Variants in CHMP4B observed in about 807,000 individuals in gnomAD.
CHMP4B encodes the protein charged multivesicular body protein 4B.
Under a neutral mutation model 25.1 loss-of-function variants are expected in CHMP4B, and 1 was observed. That is an observed-to-expected ratio of 0.04 (90% CI 0.01 to 0.19). The LOEUF is 0.19. Among genes scored for constraint, CHMP4B ranks in the 10% least tolerant of loss-of-function variants. CHMP4B has a pLI of 1.00. For missense variants in CHMP4B, 151 were observed against 289.7 expected (o/e 0.52, Z 3.48); for synonymous variants, 101 against 115.6 (o/e 0.87, Z 0.81).
intron 1 of CHMP4B, among the ~76,000 whole-genome samples, chr20:33,835,716 TAAAGA>T (rs1979374564): frequency 6.6e-6 from 1 of 152,216 alleles, no homozygotes; most frequent in Non-Finnish European, 1.5e-5. Flanking sequence ...GGGGTATGTA[TAAAGA>T]AAAGAGGTTT....
intron 1 of CHMP4B, among the ~76,000 whole-genome samples, chr20:33,847,296 T>C (rs1372378705): frequency 6.6e-6 from 1 of 152,062 alleles, no homozygotes; most frequent in Non-Finnish European, 1.5e-5. Flanking sequence ...GTTTTTTTTT[T>C]TAAACAAAGG....
chr20:33,850,732 GGTAGTGTCTTAAA>G (rs1979823238), intron 2 of CHMP4B, among the ~76,000 whole-genome samples: 1 of 152,210 alleles, frequency 6.6e-6, no homozygotes, highest in Admixed American at 6.5e-5. Context: ...TGTTGGACTG[GGTAGTGTCTTAAA>G]GACATTCCCG....
chr20:33,840,638 C>G (rs544211276), intron 1 of CHMP4B, among the ~76,000 whole-genome samples: 1 of 152,304 alleles, frequency 6.6e-6, no homozygotes, highest in South Asian at 2.1e-4. Flanking sequence ...AAATTGGTTT[C>G]TCCCAAGCTG....
chr20:33,811,708 C>T (rs1437237819), intron 1 of CHMP4B, 50 bp downstream of exon 1: 6 of 1,574,196 alleles, frequency 3.8e-6, no homozygotes, highest in Non-Finnish European at 5.2e-6. Context: ...CCCCAGGCTC[C>T]CCGGGCCCGG....
At chr20:33,840,178 A>G (rs150251056) in intron 1 of CHMP4B, among the ~76,000 whole-genome samples, 1,587 of 151,658 alleles carry the variant, frequency 0.01, 33 homozygotes, top group African/African-American at 0.037. Context: ...CCCGGGAGGC[A>G]GAGGTTGCAG....
At chr20:33,812,010 T>C (rs1270196186) in intron 1 of CHMP4B, among the ~76,000 whole-genome samples, 2 of 152,084 alleles carry the variant, frequency 1.3e-5, no homozygotes, top group African/African-American at 4.8e-5. Flanking sequence ...CCCTGCCTCC[T>C]CCTCGGCTCA....
In CHMP4B at chr20:33,811,555, G is replaced by A; in HGVS notation, c.87G>A (p.Leu29=). The part of the protein sequence containing the change: ...GPTPQEAIQR[L]RDTEEMLSKK... ...CCCCCCAGGAGGCCATCCAGCGGCT[G>A]CGGGACACGGAAGAGATGTTAAGCA... is the stretch of plus-strand genomic sequence containing the variant. The change falls in exon 1 of 5, where the codon CTG becomes CTA. Residue 29 remains leucine (L), a synonymous_variant. Coordinates refer to ENST00000217402, the MANE Select transcript of CHMP4B (RefSeq NM_176812.5). The A allele has an allele frequency of 6.2e-7, 1 of 1,612,888 alleles. No homozygotes were observed. The highest frequency in any genetic ancestry group is 1.7e-4 in the Middle Eastern group (1 of 6,054).
chr20:33,827,856 G>A (rs1186661090), intron 1 of CHMP4B, among the ~76,000 whole-genome samples: 3 of 152,208 alleles, frequency 2.0e-5, no homozygotes, highest in Non-Finnish European at 4.4e-5. Flanking sequence ...TCCTGTGTGA[G>A]GATCATGAAG....
At chr20:33,819,328 T>G (rs1978869199) in intron 1 of CHMP4B, among the ~76,000 whole-genome samples, 1 of 152,216 alleles carries the variant, frequency 6.6e-6, no homozygotes, top group Non-Finnish European at 1.5e-5. Context: ...AGGAACTAGT[T>G]TGGTTATGAG....
chr20:33,851,344 C>A lies in CHMP4B; in HGVS notation c.483+278C>A, dbSNP rs140995439. 1.8e-4 allele frequency among the ~76,000 whole-genome samples: 28 copies of A among 152,310 alleles called. 1 individual carries two copies. In the East Asian group the frequency reaches 4.8e-3, roughly 26 times the overall value. On this transcript the variant is annotated intron_variant, in intron 3 of 4. Coordinates refer to ENST00000217402, the MANE Select transcript of CHMP4B (RefSeq NM_176812.5). Reference sequence around the variant, plus strand: ...CTAGCCTGCACCTTTCCAGGGTGGGCCCTGGCACAGAGCTGGGCAGCAGAG... The same window carrying A: ...CTAGCCTGCACCTTTCCAGGGTGGGACCTGGCACAGAGCTGGGCAGCAGAG...
intron 1 of CHMP4B, among the ~76,000 whole-genome samples, chr20:33,830,957 T>TTTTTTTTTTTTTTTTTTG (rs1568607810): frequency 6.6e-6 from 1 of 150,550 alleles, no homozygotes; most frequent in Admixed American, 6.6e-5. Flanking sequence ...TTTAGTTTTT[T>TTTTTTTTTTTTTTTTTTG]TGAGACAGGG....
Position 33,811,466 on chromosome 20 carries a change from A to G in CHMP4B, c.-3A>G. 6.5e-7 allele frequency: 1 copy of G among 1,543,154 alleles called. No homozygotes were observed. The highest frequency in any genetic ancestry group is 8.8e-7 in the Non-Finnish European group (1 of 1,141,812). ...GCGAAGGCCGGCGCGGCGAGCAGCAACCATGTCGGTGTTCGGGAAGCTGTT... is the reference window on the plus strand; with the variant it reads ...GCGAAGGCCGGCGCGGCGAGCAGCAGCCATGTCGGTGTTCGGGAAGCTGTT... On this transcript the variant is annotated 5_prime_UTR_variant, in exon 1 of 5. Transcript: ENST00000217402.
chr20:33,853,110 T>C (rs918950371), intron 4 of CHMP4B, among the ~76,000 whole-genome samples: 1 of 152,166 alleles, frequency 6.6e-6, no homozygotes, highest in Non-Finnish European at 1.5e-5. Flanking sequence ...CCTGGAGCTG[T>C]GTGGCCATGA....
At chr20:33,838,918 C>T (rs1483153694) in intron 1 of CHMP4B, among the ~76,000 whole-genome samples, 5 of 152,102 alleles carry the variant, frequency 3.3e-5, no homozygotes, top group Admixed American at 3.3e-4. Flanking sequence ...CTTTGGTGAC[C>T]CTGACTCCCG....
intron 1 of CHMP4B, among the ~76,000 whole-genome samples, chr20:33,836,067 A>G (rs920550022): frequency 2.6e-5 from 4 of 152,146 alleles, no homozygotes; most frequent in African/African-American, 7.2e-5. Flanking sequence ...AACCATAGCA[A>G]ATATCTTCCC....
At position 33,849,925 on chromosome 20, in the gene CHMP4B, G is replaced by A. The variant is rs186194375; in HGVS notation, c.369-1027G>A. On this transcript the variant is annotated intron_variant, in intron 2 of 4. Coordinates refer to ENST00000217402, the MANE Select transcript of CHMP4B (RefSeq NM_176812.5). ...TGAGTAGCTCAGACTACAGGTGTGT[G>A]ACATTATGCCTGGCTAATTTTTAAA... Among the ~76,000 whole-genome samples, 15 of 152,294 alleles carry A rather than the reference G, an allele frequency of 9.8e-5. No individual in the cohort carries two copies. In the East Asian group the frequency reaches 2.9e-3, roughly 29 times the overall value.
chr20:33,852,346 A>G (rs528977274), intron 4 of CHMP4B, 143 bp downstream of exon 4: 129 of 1,012,460 alleles, frequency 1.3e-4, no homozygotes, highest in South Asian at 4.2e-4. Context: ...CAAGATTGAG[A>G]ACCAGACAGG....
At chr20:33,851,173 G>C in intron 3 of CHMP4B, 107 bp downstream of exon 3, 1 of 778,466 alleles carries the variant, frequency 1.3e-6, no homozygotes, top group Non-Finnish European at 2.3e-6. Context: ...GACTTGGACA[G>C]AGACAGGGCA....
chr20:33,812,059 C>T (rs559172261), intron 1 of CHMP4B, among the ~76,000 whole-genome samples: 13 of 152,268 alleles, frequency 8.5e-5, no homozygotes, highest in African/African-American at 3.1e-4. Context: ...CTTCCTGGTC[C>T]TACCTGTGCC....
Sources: gnomAD v4.1 joint callset for allele counts (sites outside exome capture counted in the v4.1 genomes callset) on GRCh38, gnomAD v4.1.1 for gene constraint, MANE v1.5 for transcripts, NCBI Gene and HGNC (gene_info 2026-07-23, HGNC 2026-07-21) for gene names.